Variants in ESR1 observed in about 807,000 individuals in gnomAD.
ESR1 encodes estrogen receptor 1.
ESR1 carries 12 observed loss-of-function variants against 52.7 expected under a neutral mutation model. The observed-to-expected ratio is 0.23, with a 90% CI of 0.15 to 0.37. The LOEUF (loss-of-function observed/expected upper bound fraction) is 0.37. Among genes scored for constraint, ESR1 ranks in the 10% least tolerant of loss-of-function variants. The pLI is 1.00. For missense variants in ESR1, 584 were observed against 779.7 expected (o/e 0.75, Z 2.99); for synonymous variants, 305 against 316.8 (o/e 0.96, Z 0.39).
chr6:151,808,140 C>T lies in ESR1; in HGVS notation c.228C>T (p.Thr76=), dbSNP rs1778173380. ...CCAACGCGCAGGTCTACGGTCAGAC[C>T]GGCCTCCCCTACGGCCCCGGGTCTG... is the stretch of plus-strand genomic sequence containing the variant. ...AAANAQVYGQ[T]GLPYGPGSEA... is the part of the protein sequence containing the mutation. The change falls in exon 1 of 8, where the codon ACC becomes ACT. Residue 76 remains threonine, a synonymous_variant. Transcript: ENST00000206249. 1 of 1,605,194 alleles carries T rather than the reference C, an allele frequency of 6.2e-7. No individual in the cohort carries two copies. The highest frequency in any genetic ancestry group is 8.5e-7 in the Non-Finnish European group (1 of 1,176,454).
chr6:151,708,167 T>A (rs1780322831), intron 2 of ESR1, among the ~76,000 whole-genome samples: 1 of 152,156 alleles, frequency 6.6e-6, no homozygotes, highest in Non-Finnish European at 1.5e-5. Flanking sequence ...TAAGGTTATA[T>A]ACATAATATA....
chr6:151,738,910 A>T (rs1349222784), intron 2 of ESR1, among the ~76,000 whole-genome samples: 1 of 152,160 alleles, frequency 6.6e-6, no homozygotes, highest in Non-Finnish European at 1.5e-5. Context: ...GACAATGTTG[A>T]TACTCTGATT....
chr6:151,811,038 G>A (rs1280294214), intron 1 of ESR1: 1 of 152,152 alleles, frequency 6.6e-6, no homozygotes. Flanking sequence ...CTGTCCTCCC[G>A]AGTGTCCCAC....
chr6:151,746,822 G>A (rs1783518231), intron 2 of ESR1, among the ~76,000 whole-genome samples: 1 of 152,212 alleles, frequency 6.6e-6, no homozygotes, highest in Non-Finnish European at 1.5e-5. Context: ...ACCAATCCTG[G>A]CTCTGGCCAT....
intron 2 of ESR1, among the ~76,000 whole-genome samples, chr6:151,779,353 C>T (rs1161985200): frequency 6.6e-6 from 1 of 152,054 alleles, no homozygotes; most frequent in African/African-American, 2.4e-5. Flanking sequence ...ACGGGGAATC[C>T]TTTCCCCATA....
At chr6:151,795,056 C>T (rs531663111) in intron 2 of ESR1, among the ~76,000 whole-genome samples, 2 of 152,100 alleles carry the variant, frequency 1.3e-5, no homozygotes, top group African/African-American at 2.4e-5. Flanking sequence ...GAAGAACTTG[C>T]GTTTCCTATA....
At chr6:152,122,067 GAGC>G (rs2051513714) in intron 6 of ESR1, 5 of 341,250 alleles carry the variant, frequency 1.5e-5, no homozygotes, top group Non-Finnish European at 2.8e-5. Context: ...CTGATGGTTG[GAGC>G]AGCACCATGG....
At chr6:152,012,628 G>A (rs528809484) in intron 5 of ESR1, among the ~76,000 whole-genome samples, 6 of 152,152 alleles carry the variant, frequency 3.9e-5, no homozygotes, top group African/African-American at 7.2e-5. Context: ...TTCTGGCTCC[G>A]GTATGCTCTG....
chr6:151,899,221 C>G (rs1174119596), intron 3 of ESR1, among the ~76,000 whole-genome samples: 16 of 143,016 alleles, frequency 1.1e-4, no homozygotes, highest in African/African-American at 4.2e-4. Flanking sequence ...CGCCCCTCAC[C>G]TCCCGGACTG....
chr6:152,037,667 A>T (rs988973174), intron 5 of ESR1, among the ~76,000 whole-genome samples: 1 of 152,164 alleles, frequency 6.6e-6, no homozygotes, highest in East Asian at 1.9e-4. Flanking sequence ...GTGTTACCCT[A>T]CACATTTTCT....
chr6:151,686,146 A>C (rs374080056), upstream of ESR1, among the ~76,000 whole-genome samples: 1 of 147,614 alleles, frequency 6.8e-6, no homozygotes, highest in Non-Finnish European at 1.5e-5. Context: ...CTAGGCTCAA[A>C]TTTCTTGATT....
At chr6:151,721,260 G>C (rs1437089908) in intron 2 of ESR1, among the ~76,000 whole-genome samples, 1 of 152,214 alleles carries the variant, frequency 6.6e-6, no homozygotes, top group African/African-American at 2.4e-5. Flanking sequence ...TGGGTAACAA[G>C]ATAGGACTTG....
In ESR1 at chr6:152,094,370, T is replaced by C. The variant is rs2152495627; in HGVS notation, c.1370-15T>C. 1 of 1,613,176 alleles carries C rather than the reference T, an allele frequency of 6.2e-7. No homozygotes were observed. The highest frequency in any genetic ancestry group is 8.5e-7 in the Non-Finnish European group (1 of 1,179,132). ...CTTTGAGCTTCTCTCTCTCACTCTC[T>C]CTCTGCGCATTCAGGAGTGTACACA... On this transcript the variant is annotated splice_polypyrimidine_tract_variant and intron_variant, in intron 6 of 7. Transcript: ENST00000206249. This position sits in a 1 kb window ranked among gnomAD's most constrained non-coding sequence, Gnocchi z 4.6.
intron 3 of ESR1, among the ~76,000 whole-genome samples, chr6:151,904,592 C>T (rs796357360): frequency 3.3e-5 from 5 of 152,150 alleles, no homozygotes; most frequent in African/African-American, 1.2e-4. Context: ...CAGATAATAG[C>T]TCATTTTGGT....
At chr6:151,735,308 C>T (rs1001788592) in intron 2 of ESR1, among the ~76,000 whole-genome samples, 1 of 152,184 alleles carries the variant, frequency 6.6e-6, no homozygotes, top group Admixed American at 6.5e-5. Context: ...ATCCTAGCAA[C>T]AGATTTCTCA....
chr6:151,898,007 A>G (rs1236096650), intron 3 of ESR1, among the ~76,000 whole-genome samples: 1 of 152,186 alleles, frequency 6.6e-6, no homozygotes, highest in Non-Finnish European at 1.5e-5. Context: ...TTCTTTAAAG[A>G]AGCTGAAGAT....
chr6:151,728,009 G>T (rs1345315185), intron 2 of ESR1, among the ~76,000 whole-genome samples: 1 of 152,140 alleles, frequency 6.6e-6, no homozygotes, highest in Non-Finnish European at 1.5e-5. Context: ...AGCAACCATG[G>T]CAGGGGAAGG....
intron 7 of ESR1, among the ~76,000 whole-genome samples, chr6:152,095,818 A>C (rs1324598854): frequency 6.6e-6 from 1 of 152,194 alleles, no homozygotes; most frequent in Non-Finnish European, 1.5e-5. Context: ...TTAGACTGAC[A>C]ACTCTGTGAG....
intron 4 of ESR1, among the ~76,000 whole-genome samples, chr6:151,977,611 A>G (rs1173845205): frequency 2.0e-5 from 3 of 152,054 alleles, no homozygotes; most frequent in Admixed American, 2.0e-4. Context: ...CCTGGCCAAC[A>G]TGGTGAAACC....
Sources: allele counts gnomAD v4.1 joint callset (sites outside exome capture counted in the v4.1 genomes callset), GRCh38; gene constraint gnomAD v4.1.1; non-coding constraint Gnocchi (gnomAD v3.1); transcripts MANE v1.5; gene names NCBI Gene and HGNC (gene_info 2026-07-23, HGNC 2026-07-21).